Variants in PTPRD observed in about 807,000 individuals in gnomAD.
The protein encoded by PTPRD is protein tyrosine phosphatase receptor type D.
A neutral mutation model predicts 214.5 loss-of-function variants in PTPRD; 34 were observed. The ratio of observed to expected loss-of-function variants is 0.16; its 90% CI spans 0.12 to 0.21. The LOEUF is 0.21. Among genes scored for constraint, PTPRD ranks in the 10% least tolerant of loss-of-function variants. The pLI is 1.00. For synonymous variants in PTPRD, 1,128 were observed against 845.7 expected (o/e 1.33, Z -5.79); for missense variants, 2,545 against 2,398.7 (o/e 1.06, Z -1.27).
intron 3 of PTPRD, among the ~76,000 whole-genome samples, chr9:10,076,415 CTG>C (rs1390297162): frequency 6.6e-6 from 1 of 152,136 alleles, no homozygotes; most frequent in African/African-American, 2.4e-5. Context: ...GAAAAGGAAA[CTG>C]TGTTACTAGG....
At chr9:10,396,964 C>T (rs878942791) in intron 2 of PTPRD, among the ~76,000 whole-genome samples, 2 of 151,916 alleles carry the variant, frequency 1.3e-5, no homozygotes, top group Admixed American at 1.3e-4. Flanking sequence ...ATCTTTCTGA[C>T]AATTGCAGGT....
At chr9:10,154,282 G>A (rs1481056314) in intron 3 of PTPRD, among the ~76,000 whole-genome samples, 1 of 151,970 alleles carries the variant, frequency 6.6e-6, no homozygotes, top group Non-Finnish European at 1.5e-5. Flanking sequence ...TTTGAAAAAT[G>A]CCTGTTATGT....
intron 5 of PTPRD, among the ~76,000 whole-genome samples, chr9:9,771,051 G>T (rs755507569): frequency 1.8e-4 from 27 of 152,112 alleles, no homozygotes; most frequent in Non-Finnish European, 3.2e-4. Context: ...TACTTCACCA[G>T]AGCAGAATCA....
intron 6 of PTPRD, among the ~76,000 whole-genome samples, chr9:9,739,627 T>C (rs984331809): frequency 6.6e-6 from 1 of 151,846 alleles, no homozygotes; most frequent in South Asian, 2.1e-4. Context: ...ATCAGTTTAT[T>C]TAAAAAAAAA....
At chr9:9,591,675 C>A (rs1277362533) in intron 7 of PTPRD, among the ~76,000 whole-genome samples, 1 of 151,920 alleles carries the variant, frequency 6.6e-6, no homozygotes, top group Non-Finnish European at 1.5e-5. Context: ...AATATGTGTT[C>A]TTTCAGTTTT....
chr9:10,251,141 A>AATTAAATAACATGTTCAATTG (rs2092721526), intron 3 of PTPRD, among the ~76,000 whole-genome samples: 3 of 152,142 alleles, frequency 2.0e-5, no homozygotes, highest in Non-Finnish European at 4.4e-5. Flanking sequence ...ACATCCTATT[A>AATTAAATAACATGTTCAATTG]ATTAAATAAC....
intron 5 of PTPRD, among the ~76,000 whole-genome samples, chr9:9,905,571 A>T (rs182992809): frequency 4.9e-4 from 74 of 152,046 alleles, no homozygotes; most frequent in Non-Finnish European, 7.2e-4. Flanking sequence ...ATAACTATAC[A>T]CATGTGTTCA....
chr9:9,983,141 C>G (rs1275344495), intron 4 of PTPRD, among the ~76,000 whole-genome samples: 1 of 151,746 alleles, frequency 6.6e-6, no homozygotes. Context: ...ATCAAATGTA[C>G]CGATGCTAGA....
intron 13 of PTPRD, 116 bp from the exon 14 acceptor site, chr9:8,633,574 C>A (rs2096325537): frequency 1.7e-6 from 2 of 1,200,704 alleles, no homozygotes; most frequent in Non-Finnish European, 2.3e-6. Context: ...AGGCATCATT[C>A]TGAAACTGAA....
chr9:8,474,720 C>A (rs1053953535), intron 30 of PTPRD, among the ~76,000 whole-genome samples: 5 of 152,108 alleles, frequency 3.3e-5, no homozygotes, highest in African/African-American at 9.7e-5. Flanking sequence ...TAGAAGATGG[C>A]CTCATCTCTT....
At chr9:8,997,065 A>T (rs961560521) in intron 11 of PTPRD, among the ~76,000 whole-genome samples, 1 of 152,046 alleles carries the variant, frequency 6.6e-6, no homozygotes, top group Non-Finnish European at 1.5e-5. Flanking sequence ...CTAGAGTCTC[A>T]TTTCTTTCCT....
At position 9,548,785 on chromosome 9, in the gene PTPRD, T is replaced by A. The variant is rs527756066; in HGVS notation, c.-237+25947A>T. 6.6e-5 allele frequency among the ~76,000 whole-genome samples: 10 copies of A among 152,274 alleles called. No homozygotes were observed. The East Asian group carries it at 1.9e-3, about 29-fold the overall frequency. ...AGAGATAAAAGAGCATATTTTATAA[T>A]GATGAAATGGTCAATTCGGCAAGTA... On this transcript the variant is annotated intron_variant, in intron 8 of 45. Coordinates refer to ENST00000381196, the MANE Select transcript of PTPRD (RefSeq NM_002839.4).
At chr9:9,214,483 ATTT>A (rs57017587) in intron 9 of PTPRD, among the ~76,000 whole-genome samples, 1 of 144,840 alleles carries the variant, frequency 6.9e-6, no homozygotes, top group Non-Finnish European at 1.5e-5. Context: ...AGGGAGGAGG[ATTT>A]TTTTTTTTTT....
chr9:9,052,109 G>A (rs909596113), intron 10 of PTPRD, among the ~76,000 whole-genome samples: 9 of 152,174 alleles, frequency 5.9e-5, no homozygotes, highest in Admixed American at 1.3e-4. Flanking sequence ...GTGGTGTGGT[G>A]TTGTTACAGC....
intron 5 of PTPRD, among the ~76,000 whole-genome samples, chr9:9,934,770 C>G (rs2088478531): frequency 6.6e-6 from 1 of 151,588 alleles, no homozygotes; most frequent in Non-Finnish European, 1.5e-5. Flanking sequence ...AGAGACACAA[C>G]CAAAAAAGAG....
chr9:8,988,590 G>A (rs957264808), intron 11 of PTPRD, among the ~76,000 whole-genome samples: 2 of 151,990 alleles, frequency 1.3e-5, no homozygotes, highest in African/African-American at 4.8e-5. Flanking sequence ...CTGTTGATGG[G>A]CTTTATTTCC....
At chr9:8,449,499 A>G (rs1269326414) in intron 34 of PTPRD, among the ~76,000 whole-genome samples, 2 of 152,212 alleles carry the variant, frequency 1.3e-5, no homozygotes, top group African/African-American at 4.8e-5. Flanking sequence ...CCAAAATTTG[A>G]AGGATACCCA....
intron 3 of PTPRD, among the ~76,000 whole-genome samples, chr9:10,090,733 A>AACTT (rs1353433870): frequency 1.4e-5 from 2 of 145,516 alleles, no homozygotes; most frequent in Non-Finnish European, 3.0e-5. Context: ...CTAGTATGCA[A>AACTT]ACTTATTTAC....
At chr9:10,160,038 T>C (rs1018690928) in intron 3 of PTPRD, among the ~76,000 whole-genome samples, 11 of 152,068 alleles carry the variant, frequency 7.2e-5, no homozygotes, top group South Asian at 2.1e-4. Flanking sequence ...TTGAAAGTCA[T>C]AGAGTGGCTG....
Sources: gnomAD v4.1 joint callset for allele counts (sites outside exome capture counted in the v4.1 genomes callset) on GRCh38, gnomAD v4.1.1 for gene constraint, MANE v1.5 for transcripts, NCBI Gene and HGNC (gene_info 2026-07-23, HGNC 2026-07-21) for gene names.